The following CXADR variants were observed in gnomAD, a reference collection of about 807,000 sequenced individuals.
CXADR encodes the protein CXADR cell adhesion molecule.
CXADR carries 20 observed loss-of-function variants against 40.3 expected under a neutral mutation model. The ratio of observed to expected loss-of-function variants is 0.50; its 90% CI spans 0.35 to 0.72. CXADR has a LOEUF of 0.72. CXADR is among the 30% of genes least tolerant of loss of function. CXADR has a pLI of 0.01. For missense variants in CXADR, 332 were observed against 449.1 expected (o/e 0.74, Z 2.36); for synonymous variants, 150 against 161.3 (o/e 0.93, Z 0.53).
downstream of CXADR, among the ~76,000 whole-genome samples, chr21:17,596,063 A>G (rs181801471): frequency 6.6e-6 from 1 of 152,114 alleles, no homozygotes; most frequent in Admixed American, 6.5e-5. Flanking sequence ...GTGTTTATTC[A>G]CATCTTTTGC....
intron 4 of CXADR, 142 bp from the exon 5 acceptor site, chr21:17,560,560 C>A: frequency 1.5e-6 from 1 of 670,634 alleles, no homozygotes; most frequent in Non-Finnish European, 2.5e-6. Flanking sequence ...CTGTGTGGCT[C>A]AATGCCAGTT....
intron 1 of CXADR, among the ~76,000 whole-genome samples, chr21:17,528,832 T>C (rs211966): frequency 0.99 from 150,003 of 152,150 alleles, 73,982 homozygotes; most frequent in East Asian, 1. Flanking sequence ...CCAGAGCCTT[T>C]CCCAACTCTC....
intron 7 of CXADR, among the ~76,000 whole-genome samples, chr21:17,584,723 C>G (rs2061382961): frequency 6.6e-6 from 1 of 152,124 alleles, no homozygotes; most frequent in African/African-American, 2.4e-5. Context: ...CCCAGCTACT[C>G]TGGAGGCTGA....
the CXADR span, among the ~76,000 whole-genome samples, chr21:17,610,975 AGG>A: frequency 1.3e-5 from 2 of 152,140 alleles, no homozygotes; most frequent in African/African-American, 4.8e-5. Context: ...AGCCTGATGG[AGG>A]GGAAGGCACA....
At chr21:17,591,529 C>G (rs918462981) in intron 7 of CXADR, among the ~76,000 whole-genome samples, 9 of 151,902 alleles carry the variant, frequency 5.9e-5, no homozygotes, top group African/African-American at 2.2e-4. Context: ...AAGTTAAATA[C>G]TTTGAGATAA....
At chr21:17,535,049 T>C (rs921447179) in intron 1 of CXADR, among the ~76,000 whole-genome samples, 2 of 152,204 alleles carry the variant, frequency 1.3e-5, no homozygotes, top group Non-Finnish European at 2.9e-5. Context: ...CCGAAAGTGC[T>C]GGGATTATAG....
chr21:17,629,447 C>A, the CXADR span, among the ~76,000 whole-genome samples: 2 of 151,072 alleles, frequency 1.3e-5, no homozygotes, highest in Admixed American at 1.3e-4. Flanking sequence ...TGCCTGTAGT[C>A]CCAGCTACTT....
chr21:17,532,999 G>GCTCT (rs1178855124), intron 1 of CXADR, among the ~76,000 whole-genome samples: 1 of 152,184 alleles, frequency 6.6e-6, no homozygotes, highest in African/African-American at 2.4e-5. Flanking sequence ...TGGACTCAGA[G>GCTCT]AACTCCTGCT....
chr21:17,594,627 A>G (rs147031316), downstream of CXADR, among the ~76,000 whole-genome samples: 200 of 152,224 alleles, frequency 1.3e-3, 1 homozygote, highest in African/African-American at 4.6e-3. Context: ...GCTTGTAAGG[A>G]CATGCTTGTT....
In CXADR at chr21:17,560,791, G is replaced by C. The variant is rs1569129624; in HGVS notation, c.661G>C (p.Asp221His). Residue 221 changes from aspartate to histidine, a missense_variant, in exon 5 of 7, where the codon GAT (aspartate) becomes CAT (histidine). Around this residue, in one of 3 missense-constraint regions of CXADR, gnomAD observed 150 missense variants for 194.2 expected, o/e 0.77. Transcript: ENST00000284878. ...SCTVRNRVGS[D>H]QCLLRLNVVP... ...TACAGTCAGAAACAGAGTGGGCTCT[G>C]ATCAGTGCCTGTTGCGTCTAAACGT... 6.2e-7 allele frequency: 1 copy of C among 1,613,982 alleles called. No homozygotes were observed. Among genetic ancestry groups the C allele is most frequent in the Admixed American group, 1.7e-5 (1 of 60,024 alleles).
At chr21:17,521,694 G>A (rs534152673) in intron 1 of CXADR, among the ~76,000 whole-genome samples, 97 of 152,276 alleles carry the variant, frequency 6.4e-4, no homozygotes, top group African/African-American at 2.3e-3. Context: ...ACATTTGCAG[G>A]TGGTTTGACA....
At chr21:17,546,888 G>A in intron 1 of CXADR, 139 bp from the exon 2 acceptor site, 4 of 903,572 alleles carry the variant, frequency 4.4e-6, no homozygotes, top group Non-Finnish European at 6.7e-6. Context: ...CATCTCTTGA[G>A]TTTGGACTCC....
the CXADR span, among the ~76,000 whole-genome samples, chr21:17,601,241 G>C: frequency 6.7e-6 from 1 of 150,226 alleles, no homozygotes; most frequent in Non-Finnish European, 1.5e-5. Flanking sequence ...CCACTGACTA[G>C]CTTGGTCACC....
intron 7 of CXADR, among the ~76,000 whole-genome samples, chr21:17,578,673 A>T (rs1201502930): frequency 6.6e-6 from 1 of 152,168 alleles, no homozygotes; most frequent in Admixed American, 6.5e-5. Flanking sequence ...TACAAAAAAT[A>T]TAAAAATTAG....
chr21:17,553,463 G>C (rs1184892821), intron 3 of CXADR, among the ~76,000 whole-genome samples: 1 of 152,122 alleles, frequency 6.6e-6, no homozygotes, highest in Non-Finnish European at 1.5e-5. Context: ...CTTGTGGTGT[G>C]AAAGTAAGTC....
intron 6 of CXADR, among the ~76,000 whole-genome samples, chr21:17,563,953 A>AAAAAAAAAAAAAAAAAAAAAC (rs2061163842): frequency 6.7e-6 from 1 of 148,782 alleles, no homozygotes; most frequent in Non-Finnish European, 1.5e-5. Flanking sequence ...AAAAAAAAAA[A>AAAAAAAAAAAAAAAAAAAAAC]AAAAAAAAGG....
intron 1 of CXADR, among the ~76,000 whole-genome samples, chr21:17,515,447 C>CA (rs796764694): frequency 0.036 from 4,954 of 137,764 alleles, 268 homozygotes; most frequent in African/African-American, 0.12. Context: ...GACTCTGTCT[C>CA]AAAAAAAAAA....
At chr21:17,617,004 G>A in the CXADR span, among the ~76,000 whole-genome samples, 1 of 152,194 alleles carries the variant, frequency 6.6e-6, no homozygotes. Context: ...CTCTCTTGAT[G>A]AATGAGGCAA....
At chr21:17,590,473 GTGA>G (rs1366138845) in intron 7 of CXADR, among the ~76,000 whole-genome samples, 2 of 152,056 alleles carry the variant, frequency 1.3e-5, no homozygotes, top group Non-Finnish European at 2.9e-5. Flanking sequence ...TTGGAAGTGG[GTGA>G]TGGTTTCTGC....
Sources: allele counts gnomAD v4.1 joint callset (sites outside exome capture counted in the v4.1 genomes callset), GRCh38; gene constraint gnomAD v4.1.1; regional missense constraint gnomAD v4.1.1; transcripts MANE v1.5; gene names NCBI Gene and HGNC (gene_info 2026-07-23, HGNC 2026-07-21).